Variants in LNP1 observed in about 807,000 individuals in gnomAD.
The protein encoded by LNP1 is leukemia NUP98 fusion partner 1.
In LNP1, 12 loss-of-function variants were observed where a neutral mutation model predicts 14.5. That is an observed-to-expected ratio of 0.83 (90% confidence interval 0.53 to 1.34). The LOEUF (loss-of-function observed/expected upper bound fraction) is 1.34. Among genes scored for constraint, LNP1 ranks in the 40% most tolerant of loss-of-function variants. The pLI is 0.00. For missense variants in LNP1, 198 were observed against 210.9 expected, an observed-to-expected ratio of 0.94 and a Z score of 0.38; for synonymous variants, 75 against 71.4, an observed-to-expected ratio of 1.05 and a Z score of -0.26.
intron 3 of LNP1, among the ~76,000 whole-genome samples, chr3:100,452,991 T>C (rs1343055878): frequency 6.6e-6 from 1 of 152,222 alleles, no homozygotes; most frequent in African/African-American, 2.4e-5. Flanking sequence ...CACTGCCAGG[T>C]AGTAGACAAA....
chr3:100,421,343 T>C (rs184575118), intron 1 of LNP1, among the ~76,000 whole-genome samples: 4 of 152,370 alleles, frequency 2.6e-5, no homozygotes, highest in Admixed American at 2.6e-4. Context: ...GAGGGAAATC[T>C]GCTTTACTCA....
chr3:100,425,209 G>A (rs1044442026), intron 1 of LNP1, among the ~76,000 whole-genome samples: 1 of 152,336 alleles, frequency 6.6e-6, no homozygotes, highest in Admixed American at 6.5e-5. Flanking sequence ...AGGTAGCACA[G>A]GTTAGCAGAG....
chr3:100,424,155 A>G (rs939001821), intron 1 of LNP1, among the ~76,000 whole-genome samples: 2 of 152,152 alleles, frequency 1.3e-5, no homozygotes, highest in South Asian at 4.1e-4. Context: ...ATGTAGTCCA[A>G]ATCCCTTTTT....
At chr3:100,455,006 C>G (rs35925258) in intron 3 of LNP1, among the ~76,000 whole-genome samples, 35,678 of 152,080 alleles carry the variant, frequency 0.23, 4,739 homozygotes, top group Middle Eastern at 0.34. Context: ...TTATCCATGC[C>G]ATTGTTTTGA....
chr3:100,437,596 A>C (rs557481745), intron 2 of LNP1, among the ~76,000 whole-genome samples: 1 of 152,286 alleles, frequency 6.6e-6, no homozygotes, highest in Admixed American at 6.5e-5. Context: ...TGAATATTTG[A>C]ATGTTTTCCC....
intron 1 of LNP1, among the ~76,000 whole-genome samples, chr3:100,416,663 C>A (rs1707087353): frequency 7.8e-6 from 1 of 128,970 alleles, no homozygotes; most frequent in African/African-American, 2.8e-5. Context: ...TTTGGTCTGT[C>A]CTTTTTTTAA....
chr3:100,420,585 G>A (rs1008863331), intron 1 of LNP1, among the ~76,000 whole-genome samples: 3 of 152,146 alleles, frequency 2.0e-5, no homozygotes, highest in South Asian at 2.1e-4. Flanking sequence ...CCAAAGTGCT[G>A]GGATTACAGG....
intron 1 of LNP1, among the ~76,000 whole-genome samples, chr3:100,415,766 C>T (rs1707077543): frequency 6.6e-6 from 1 of 152,130 alleles, no homozygotes; most frequent in Non-Finnish European, 1.5e-5. Context: ...ATAAAGATAA[C>T]ACCCTTGATG....
chr3:100,431,702 C>T (rs951211725), intron 2 of LNP1, among the ~76,000 whole-genome samples: 1 of 151,282 alleles, frequency 6.6e-6, no homozygotes, highest in Admixed American at 6.6e-5. Context: ...ATCAAATATT[C>T]TTACTTTTGG....
intron 2 of LNP1, among the ~76,000 whole-genome samples, chr3:100,441,715 C>T (rs1576235025): frequency 6.6e-6 from 1 of 151,702 alleles, no homozygotes; most frequent in South Asian, 2.1e-4. Flanking sequence ...CAGGCTGGAG[C>T]GCAGTGGTGC....
chr3:100,454,680 A>G (rs1355519394), intron 3 of LNP1, among the ~76,000 whole-genome samples: 1 of 152,208 alleles, frequency 6.6e-6, no homozygotes, highest in Admixed American at 6.5e-5. Context: ...GGCATTATTT[A>G]CAAGCATTTC....
intron 2 of LNP1, among the ~76,000 whole-genome samples, chr3:100,435,412 T>C (rs1707284520): frequency 6.6e-6 from 1 of 152,242 alleles, no homozygotes; most frequent in Non-Finnish European, 1.5e-5. Context: ...GTGATCATAG[T>C]ACAGACCTCA....
chr3:100,409,592 A>ATG (rs1707008316), intron 1 of LNP1, among the ~76,000 whole-genome samples: 4 of 95,862 alleles, frequency 4.2e-5, no homozygotes, highest in African/African-American at 2.3e-4. Flanking sequence ...ACACACACAC[A>ATG]TATATATATA....
intron 1 of LNP1, among the ~76,000 whole-genome samples, chr3:100,409,583 CACACACACAT>C (rs1185312434): frequency 1.7e-5 from 2 of 116,078 alleles, no homozygotes; most frequent in African/African-American, 4.8e-5. Context: ...CACACACACA[CACACACACAT>C]ATATATATAT....
At chr3:100,448,225 T>C (rs1707406769) in intron 2 of LNP1, among the ~76,000 whole-genome samples, 1 of 152,220 alleles carries the variant, frequency 6.6e-6, no homozygotes, top group Admixed American at 6.5e-5. Context: ...TTTAAGCTGT[T>C]CTTGTTTATT....
intron 2 of LNP1, among the ~76,000 whole-genome samples, chr3:100,442,603 A>C (rs1027676925): frequency 2.1e-4 from 32 of 152,198 alleles, no homozygotes; most frequent in African/African-American, 6.5e-4. Context: ...GTTTCTGATT[A>C]GCCTTTCCAA....
chr3:100,405,239 A>G (rs1332519347), intron 1 of LNP1, among the ~76,000 whole-genome samples: 1 of 152,204 alleles, frequency 6.6e-6, no homozygotes, highest in African/African-American at 2.4e-5. Context: ...ACACACATAA[A>G]CACAAAATCA....
chr3:100,408,051 T>C (rs1706988221), intron 1 of LNP1, among the ~76,000 whole-genome samples: 1 of 152,236 alleles, frequency 6.6e-6, no homozygotes, highest in African/African-American at 2.4e-5. Context: ...AAACAGCTGT[T>C]TTGAATTCCT....
rs931201115 is a variant in LNP1 at position 100,456,112 on chromosome 3, T to C, written c.*186T>C. The C allele has an allele frequency of 9.3e-6, 5 of 536,840 alleles. No individual in the cohort carries two copies. The highest frequency in any genetic ancestry group is 1.6e-5 in the Non-Finnish European group (5 of 303,492). The allele number at this position is 536,840 out of a possible 1,614,324, so 33.3% of individuals were successfully genotyped here. A position where few individuals can be genotyped will look rare whatever the true frequency, so the allele number is the denominator to read the frequency against. On this transcript the variant is annotated 3_prime_UTR_variant, in exon 4 of 4. Transcript: ENST00000383693. ...AGCTGCTCCAAGATGACTTGCATCA[T>C]ACCCCAATTACTGCTGGCATCTTAG... is the stretch of plus-strand genomic sequence containing the variant.
Sources: gnomAD v4.1 joint callset for allele counts (sites outside exome capture counted in the v4.1 genomes callset) on GRCh38, gnomAD v4.1.1 for gene constraint, MANE v1.5 for transcripts, NCBI Gene and HGNC (gene_info 2026-07-23, HGNC 2026-07-21) for gene names.